Variants in DNAI7 observed in about 807,000 individuals in gnomAD.
DNAI7 encodes the protein dynein axonemal intermediate chain 7.
In DNAI7, 78 loss-of-function variants were observed where a neutral mutation model predicts 86.6. The ratio of observed to expected loss-of-function variants is 0.90; its 90% CI spans 0.75 to 1.09. The LOEUF (loss-of-function observed/expected upper bound fraction) is 1.09. Among genes scored for constraint, DNAI7 ranks in the 50% least tolerant of loss-of-function variants. The probability of loss-of-function intolerance (pLI) is 0.00; values close to 1 mark genes in which losing one functional copy is unlikely to be tolerated. For missense variants in DNAI7, 753 were observed against 810.2 expected (o/e 0.93, Z 0.86); for synonymous variants, 274 against 273.0 (o/e 1.00, Z -0.04).
chr12:25,167,812 A>C (rs534089750), intron 2 of DNAI7, among the ~76,000 whole-genome samples: 1 of 152,036 alleles, frequency 6.6e-6, no homozygotes, highest in Admixed American at 6.6e-5. Context: ...CTTTCTCCTT[A>C]TATCAACTCT....
intron 9 of DNAI7, among the ~76,000 whole-genome samples, chr12:25,138,024 C>T (rs541863295): frequency 6.6e-6 from 1 of 151,746 alleles, no homozygotes; most frequent in South Asian, 2.1e-4. Context: ...CAAAACAAAA[C>T]TATACCCTAG....
chr12:25,159,402 G>A (rs1373691141), intron 3 of DNAI7, among the ~76,000 whole-genome samples: 1 of 148,848 alleles, frequency 6.7e-6, no homozygotes, highest in Non-Finnish European at 1.5e-5. Context: ...CAAAATAAAG[G>A]TTGAGACAAA....
At chr12:25,190,267 T>A (rs543552153) in intron 2 of DNAI7, among the ~76,000 whole-genome samples, 33 of 152,164 alleles carry the variant, frequency 2.2e-4, no homozygotes, top group Non-Finnish European at 4.3e-4. Context: ...ATAGCACATT[T>A]TATAATTAAA....
intron 9 of DNAI7, among the ~76,000 whole-genome samples, chr12:25,130,381 CA>C (rs1470000069): frequency 7.9e-5 from 12 of 151,102 alleles, no homozygotes; most frequent in Non-Finnish European, 1.5e-4. Context: ...ACTAAAAATA[CA>C]AAAAATTAGC....
chr12:25,136,411 G>C (rs927230497), intron 9 of DNAI7, among the ~76,000 whole-genome samples: 1 of 152,204 alleles, frequency 6.6e-6, no homozygotes, highest in African/African-American at 2.4e-5. Flanking sequence ...CTGAAAAGCA[G>C]CCCTTGAGCC....
intron 13 of DNAI7, among the ~76,000 whole-genome samples, chr12:25,112,481 A>G (rs753832930): frequency 1.5e-5 from 2 of 132,328 alleles, no homozygotes; most frequent in Admixed American, 9.3e-5. Context: ...ATCTTGGCTC[A>G]CTGCAAGCTC....
In DNAI7 at chr12:25,110,156, G is replaced by A; in HGVS notation, c.1864C>T (p.Leu622=). The change falls in exon 15 of 16, where the codon CTA becomes TTA. Residue 622 remains leucine (L), a synonymous_variant. Coordinates refer to ENST00000395987, the MANE Select transcript of DNAI7 (RefSeq NM_018272.5). ...FAFGWSKWNL[L]CNSTKVVFKV... The stretch of plus-strand genomic sequence containing the variant: ...AATACGACTTTTGTAGAATTACATA[G>A]TAGGTTCCACTTGCTCCAACCAAAT... The A allele has an allele frequency of 3.7e-6, 6 of 1,605,966 alleles. No homozygotes were observed. Among genetic ancestry groups the A allele is most frequent in the East Asian group, 4.5e-5 (2 of 44,858 alleles).
At chr12:25,166,908 T>G (rs533560331) in intron 2 of DNAI7, among the ~76,000 whole-genome samples, 2 of 152,304 alleles carry the variant, frequency 1.3e-5, no homozygotes, top group African/African-American at 4.8e-5. Context: ...CTGATGCATA[T>G]ACTTTCTGCT....
chr12:25,132,148 T>C (rs962548631), intron 9 of DNAI7, among the ~76,000 whole-genome samples: 6 of 152,092 alleles, frequency 3.9e-5, no homozygotes, highest in Non-Finnish European at 4.4e-5. Context: ...AAATGGGAAA[T>C]ACATCGTTTC....
At chr12:25,137,189 C>T (rs1943649599) in intron 9 of DNAI7, among the ~76,000 whole-genome samples, 1 of 152,168 alleles carries the variant, frequency 6.6e-6, no homozygotes, top group African/African-American at 2.4e-5. Context: ...GATTTCTCAG[C>T]AGAAACCTTA....
chr12:25,177,878 G>A (rs914583644), intron 2 of DNAI7, among the ~76,000 whole-genome samples: 8 of 152,118 alleles, frequency 5.3e-5, no homozygotes, highest in Admixed American at 1.3e-4. Flanking sequence ...AAGAAAGTGC[G>A]CTGTAACCTA....
At chr12:25,193,033 C>A (rs1253032173) in intron 1 of DNAI7, among the ~76,000 whole-genome samples, 3 of 151,550 alleles carry the variant, frequency 2.0e-5, no homozygotes, top group African/African-American at 7.3e-5. Context: ...GTACTCCCAG[C>A]TATTCAGGAG....
At position 25,189,422 on chromosome 12, in the gene DNAI7, C is replaced by T. The variant is rs183047534; in HGVS notation, c.21+1192G>A. On this transcript the variant is annotated intron_variant, in intron 2 of 15. Coordinates refer to ENST00000395987, the MANE Select transcript of DNAI7 (RefSeq NM_018272.5). Reference sequence around the variant, plus strand: ...CTGGGAGGCTGAGGCCGGCAGATCACTTGAGGTCAAGAGTTCGAGACCAGC... The same window carrying T: ...CTGGGAGGCTGAGGCCGGCAGATCATTTGAGGTCAAGAGTTCGAGACCAGC... Among the ~76,000 whole-genome samples, 69 of 152,316 alleles carry T rather than the reference C, an allele frequency of 4.5e-4. 1 individual carries two copies. Among genetic ancestry groups the T allele is most frequent in the African/African-American group, 1.5e-3 (64 of 41,580 alleles).
chr12:25,188,760 G>C (rs1434077670), intron 2 of DNAI7, among the ~76,000 whole-genome samples: 1 of 151,798 alleles, frequency 6.6e-6, no homozygotes, highest in Non-Finnish European at 1.5e-5. Flanking sequence ...CATTCTTTCA[G>C]AGAAACAATA....
intron 13 of DNAI7, 70 bp from the exon 14 acceptor site, chr12:25,112,009 G>T (rs1259577231): frequency 7.6e-6 from 7 of 919,174 alleles, no homozygotes; most frequent in Non-Finnish European, 1.1e-5. Context: ...TCCAGGTGCA[G>T]CCTTTAGATG....
At chr12:25,191,809 G>A (rs1950546413) in intron 1 of DNAI7, among the ~76,000 whole-genome samples, 1 of 152,116 alleles carries the variant, frequency 6.6e-6, no homozygotes, top group African/African-American at 2.4e-5. Flanking sequence ...AATTATTTTG[G>A]AAAGCACAGG....
chr12:25,183,595 A>AT (rs202050368), intron 2 of DNAI7, among the ~76,000 whole-genome samples: 9,317 of 148,082 alleles, frequency 0.063, 598 homozygotes, highest in East Asian at 0.26. Context: ...CTGTATTTAA[A>AT]TTTTTTTTTT....
At chr12:25,142,841 A>G (rs762965035) in intron 9 of DNAI7, among the ~76,000 whole-genome samples, 17 of 152,156 alleles carry the variant, frequency 1.1e-4, no homozygotes, top group Non-Finnish European at 2.1e-4. Flanking sequence ...CCCCTTGGAA[A>G]TGAGTTTGTC....
chr12:25,136,741 A>C (rs1386848599), intron 9 of DNAI7, among the ~76,000 whole-genome samples: 1 of 152,030 alleles, frequency 6.6e-6, no homozygotes, highest in Non-Finnish European at 1.5e-5. Context: ...TGGAAAAGAA[A>C]GACACACTTA....
Sources: gnomAD v4.1 joint callset for allele counts (sites outside exome capture counted in the v4.1 genomes callset) on GRCh38, gnomAD v4.1.1 for gene constraint, MANE v1.5 for transcripts, NCBI Gene and HGNC (gene_info 2026-07-23, HGNC 2026-07-21) for gene names.